Variants in SEC16A observed in about 807,000 individuals in gnomAD.
SEC16A encodes the protein protein transport protein Sec16A.
Under a neutral mutation model 221.9 loss-of-function variants are expected in SEC16A, and 110 were observed. The observed-to-expected ratio is 0.50, with a 90% CI of 0.42 to 0.58. The LOEUF is 0.58. Among genes scored for constraint, SEC16A ranks in the 20% least tolerant of loss-of-function variants. SEC16A has a pLI of 0.00. For synonymous variants in SEC16A, 1,393 were observed against 1,257.7 expected, an observed-to-expected ratio of 1.11 and a Z score of -2.28; for missense variants, 3,165 against 3,097.8, an observed-to-expected ratio of 1.02 and a Z score of -0.52.
chr9:136,466,328 C>G lies in SEC16A; in HGVS notation c.4064G>C (p.Arg1355Pro). ...RRSVHSEHSA[R>P]SLHSAHSLAS... The stretch of plus-strand genomic sequence containing the variant: ...CAGGCTGTGTGCGCTGTGCAGGCTC[C>G]GTGCCGAGTGCTCGCTGTGGACGCT... The change falls in exon 7 of 32, where the codon CGG (arginine) becomes CCG (proline). Residue 1355 changes from arginine (R) to proline (P), a missense_variant. This residue lies in a region of SEC16A where 2,030 missense variants were observed against 1,923.1 expected (regional missense o/e 1.06). Transcript: ENST00000684901. The surrounding 1 kb of genome is among the most constrained non-coding windows in gnomAD (Gnocchi z 5.5). 1.3e-6 allele frequency: 2 copies of G among 1,571,580 alleles called. No homozygotes were observed. Among genetic ancestry groups the G allele is most frequent in the Non-Finnish European group, 1.7e-6 (2 of 1,158,952 alleles).
Position 136,463,606 on chromosome 9 carries a change from AG to A in SEC16A, c.4509-6del. 1 of 1,613,784 alleles carries A rather than the reference AG, an allele frequency of 6.2e-7. No individual in the cohort carries two copies. Among genetic ancestry groups the A allele is most frequent in the South Asian group, 1.1e-5 (1 of 91,084 alleles). ...TCCACCTTATGGGTGTCGTCTCTGC[AG>A]AAAGAACACACAGTGAGCAGTGATG... On this transcript the variant is annotated splice_polypyrimidine_tract_variant and splice_region_variant and intron_variant, in intron 10 of 31. Coordinates refer to ENST00000684901, the MANE Select transcript of SEC16A (RefSeq NM_014866.2).
rs1224923656 is a variant in SEC16A, at chr9:136,445,528, G to T, written c.6867+117C>A. 9 of 771,260 alleles carry T rather than the reference G, an allele frequency of 1.2e-5. No homozygotes were observed. In the East Asian group the frequency reaches 2.2e-4, roughly 19 times the overall value. The allele number at this position is 771,260 out of a possible 1,614,324, so 47.8% of individuals were successfully genotyped here. ...GGAACACCACCTTCGAGGTGCTCTT[G>T]TTTCTAAACTGCCTCTTCCTACCCA... On this transcript the variant is annotated intron_variant, in intron 29 of 31. Transcript: ENST00000684901.
Position 136,447,099 on chromosome 9 carries a change from C to T in SEC16A, c.6697+128G>A. The T allele has an allele frequency of 9.9e-6, 15 of 1,514,762 alleles. No individual in the cohort carries two copies. Among genetic ancestry groups the T allele is most frequent in the Non-Finnish European group, 1.3e-5 (15 of 1,130,726 alleles). 93.8% of individuals were successfully genotyped at this position (1,514,762 alleles called of 1,614,324 possible). A position where few individuals can be genotyped will look rare whatever the true frequency, so the allele number is the denominator to read the frequency against. Reference sequence around the variant, plus strand: ...AATCAAAAAAAAAACCACAAACCAACCCCAGGCTCTCTGCATGCTGGCCAG... The same window carrying T: ...AATCAAAAAAAAAACCACAAACCAATCCCAGGCTCTCTGCATGCTGGCCAG... On this transcript the variant is annotated intron_variant, in intron 27 of 31. Coordinates refer to ENST00000684901, the MANE Select transcript of SEC16A (RefSeq NM_014866.2). The surrounding 1 kb of genome is among the most constrained non-coding windows in gnomAD (Gnocchi z 5.5).
rs902818908 is a variant in SEC16A at position 136,477,407 on chromosome 9, G to A, written c.209C>T (p.Ser70Leu). 6.2e-6 allele frequency: 10 copies of A among 1,613,892 alleles called. No homozygotes were observed. The highest frequency in any genetic ancestry group is 5.3e-5 in the African/African-American group (4 of 74,934). ...QALQSTPLGS[S>L]SKSSPPVLQG... ...CAAGACAGGTGGACTGCTTTTGGAC[G>A]AACTGCCCAGTGGTGTACTTTGGAG... The change falls in exon 3 of 32, where the codon TCG (serine) becomes TTG (leucine). Residue 70 changes from serine to leucine, a missense_variant. Transcript: ENST00000684901.
chr9:136,443,284 G>A (rs1049817516), intron 31 of SEC16A, among the ~76,000 whole-genome samples: 3 of 151,874 alleles, frequency 2.0e-5, no homozygotes, highest in African/African-American at 4.9e-5. Flanking sequence ...AGCTGAGCAC[G>A]GTGGGCCTGG....
chr9:136,483,832 G>A, upstream of SEC16A: 3 of 982,378 alleles, frequency 3.1e-6, no homozygotes, highest in Non-Finnish European at 3.6e-6. Flanking sequence ...GGCCGGAGCT[G>A]CGGGACGCGG....
intron 21 of SEC16A, 148 bp from the exon 22 acceptor site, chr9:136,453,658 A>T (rs147769122): frequency 1.8e-4 from 119 of 649,984 alleles, no homozygotes; most frequent in African/African-American, 1.8e-3. Flanking sequence ...ACATCTTCCC[A>T]CATGTGTGCA....
chr9:136,482,643 TG>T (rs2133207186), intron 1 of SEC16A, among the ~76,000 whole-genome samples: 1 of 152,348 alleles, frequency 6.6e-6, no homozygotes, highest in Non-Finnish European at 1.5e-5. Flanking sequence ...GAGGGGTGCC[TG>T]GGGGTCCAGC....
At chr9:136,445,512 C>T (rs1836848450) in intron 29 of SEC16A, 133 bp downstream of exon 29, 3 of 707,114 alleles carry the variant, frequency 4.2e-6, no homozygotes, top group Non-Finnish European at 7.0e-6. Flanking sequence ...AGGAACACCA[C>T]CTTCGAGGTG....
chr9:136,474,819 C>G lies in SEC16A; in HGVS notation c.2797G>C (p.Val933Leu). 1 of 1,613,994 alleles carries G rather than the reference C, an allele frequency of 6.2e-7. No homozygotes were observed. The change falls in exon 3 of 32, where the codon GTT becomes CTT. Residue 933 changes from valine to leucine, a missense_variant. Transcript: ENST00000684901. ...CTTTCTGGAACCAAGTTCTCTGGAA[C>G]TGGCTGGGATGGTGGTTGAACCAGC... The part of the protein sequence containing the change: ...NLLVQPPSQP[V>L]PENLVPESQK...
At position 136,477,299 on chromosome 9, in the gene SEC16A, G is replaced by A. The variant is rs565949028; in HGVS notation, c.317C>T (p.Pro106Leu). The A allele has an allele frequency of 6.2e-7, 1 of 1,613,794 alleles. No individual in the cohort carries two copies. The highest frequency in any genetic ancestry group is 1.1e-5 in the South Asian group (1 of 91,078). ...HTHARDSSQG[P>L]CEPLPGPLTQ... Reference sequence around the variant, plus strand: ...CAGAGGTCCAGGCAGGGGCTCACAGGGTCCCTGAGAGCTATCTCTGGCATG... The same window carrying A: ...CAGAGGTCCAGGCAGGGGCTCACAGAGTCCCTGAGAGCTATCTCTGGCATG... Residue 106 changes from proline (P) to leucine (L), a missense_variant, in exon 3 of 32, where the codon CCC (proline) becomes CTC (leucine). Transcript: ENST00000684901.
chr9:136,451,469 A>T, intron 22 of SEC16A, 61 bp from the exon 23 acceptor site: 1 of 1,514,392 alleles, frequency 6.6e-7, no homozygotes, highest in Non-Finnish European at 8.8e-7. Flanking sequence ...CGAAAGAGAG[A>T]GGGGGATGCA....
At position 136,462,401 on chromosome 9, in the gene SEC16A, G is replaced by A. The variant is rs920228326; in HGVS notation, c.4893+486C>T. 3.9e-5 allele frequency among the ~76,000 whole-genome samples: 6 copies of A among 152,134 alleles called. No individual in the cohort carries two copies. In the South Asian group the frequency reaches 6.2e-4, roughly 16 times the overall value. ...GCCCCCCACCTGCCCCAGTCCCCAC[G>A]CTGCTGTGACCCCAGTCACTGGACG... is the stretch of plus-strand genomic sequence containing the variant. On this transcript the variant is annotated intron_variant, in intron 12 of 31. Transcript: ENST00000684901.
At position 136,482,928 on chromosome 9, in the gene SEC16A, G is replaced by A. The variant is rs1193255428; in HGVS notation, c.-192+10C>T. On this transcript the variant is annotated intron_variant, in intron 1 of 31. Coordinates refer to ENST00000684901, the MANE Select transcript of SEC16A (RefSeq NM_014866.2). The stretch of plus-strand genomic sequence containing the variant: ...CGCGCTCGCCCCCTCACCCGCGCTC[G>A]CCCCCTCACCCGCGCGGCTGAGACC... The A allele has an allele frequency of 3.1e-6, 3 of 967,824 alleles. No individual in the cohort carries two copies. Among genetic ancestry groups the A allele is most frequent in the East Asian group, 1.2e-4 (1 of 8,654 alleles). 60.0% of individuals were successfully genotyped at this position (967,824 alleles called of 1,614,324 possible).
chr9:136,480,699 G>C (rs1258748992), intron 1 of SEC16A, among the ~76,000 whole-genome samples: 1 of 152,108 alleles, frequency 6.6e-6, no homozygotes, highest in Non-Finnish European at 1.5e-5. Flanking sequence ...AGACCATCCT[G>C]GCTAACACGG....
chr9:136,480,454 G>C (rs1008901502), intron 1 of SEC16A, among the ~76,000 whole-genome samples: 2 of 152,158 alleles, frequency 1.3e-5, no homozygotes, highest in African/African-American at 2.4e-5. Flanking sequence ...TGAGTGGCTC[G>C]AGGCAGCCAC....
chr9:136,448,307 A>T (rs547915718), intron 23 of SEC16A, 146 bp from the exon 24 acceptor site: 1 of 732,934 alleles, frequency 1.4e-6, no homozygotes, highest in South Asian at 1.5e-5. Context: ...TGGAGGTGGG[A>T]GCAGATCCAC....
chr9:136,477,886 G>A lies in SEC16A; in HGVS notation c.-69-202C>T, dbSNP rs369240760. ...TTCTGGGGGGCAGGGGACAGAGTGA[G>A]AACCCTGGATGGCCTGGCTGCGAGC... On this transcript the variant is annotated intron_variant, in intron 2 of 31. Transcript: ENST00000684901. Among the ~76,000 whole-genome samples the A allele has an allele frequency of 4.6e-5, 7 of 152,274 alleles. No homozygotes were observed. In the East Asian group the frequency reaches 1.4e-3, roughly 29 times the overall value.
intron 31 of SEC16A, among the ~76,000 whole-genome samples, chr9:136,442,930 C>CA (rs1019288220): frequency 7.9e-5 from 12 of 152,146 alleles, no homozygotes; most frequent in African/African-American, 2.4e-4. Flanking sequence ...AAAAAACATA[C>CA]AAAAAAAGCA....
Sources: allele counts gnomAD v4.1 joint callset (sites outside exome capture counted in the v4.1 genomes callset), GRCh38; gene constraint gnomAD v4.1.1; regional missense constraint gnomAD v4.1.1; non-coding constraint Gnocchi (gnomAD v3.1); transcripts MANE v1.5; gene names NCBI Gene and HGNC (gene_info 2026-07-23, HGNC 2026-07-21).